SLC1A2: variants seen among roughly 807,000 people sequenced by gnomAD.
SLC1A2 encodes excitatory amino acid transporter 2.
A neutral mutation model predicts 48.8 loss-of-function variants in SLC1A2; 15 were observed. The ratio of observed to expected loss-of-function variants is 0.31; its 90% CI spans 0.21 to 0.47. The LOEUF (loss-of-function observed/expected upper bound fraction) is 0.47, where lower values mean the gene tolerates loss of function less well. Ranked by LOEUF, SLC1A2 falls within the 20% of genes least tolerant of loss-of-function variation. The pLI, the probability that SLC1A2 is intolerant of heterozygous loss-of-function variation, is 0.99. For synonymous variants in SLC1A2, 279 were observed against 272.6 expected (o/e 1.02, Z -0.23); for missense variants, 502 against 730.5 (o/e 0.69, Z 3.61).
At chr11:35,283,404 G>T (rs1850704319) in intron 8 of SLC1A2, among the ~76,000 whole-genome samples, 1 of 152,174 alleles carries the variant, frequency 6.6e-6, no homozygotes. Flanking sequence ...GTGCCCCAGA[G>T]GTAGCCCTTG....
intron 1 of SLC1A2, 89 bp from the exon 2 acceptor site, chr11:35,317,605 A>T: frequency 6.9e-7 from 1 of 1,457,502 alleles, no homozygotes; most frequent in South Asian, 1.3e-5. Flanking sequence ...CTCTCCAGGC[A>T]CAGTTGGAAT....
intron 1 of SLC1A2, among the ~76,000 whole-genome samples, chr11:35,351,552 T>G (rs1853253533): frequency 6.6e-6 from 1 of 152,228 alleles, no homozygotes; most frequent in South Asian, 2.1e-4. Context: ...TACAGTATGA[T>G]TGGGAGTATA....
chr11:35,308,267 T>C (rs186422578), intron 4 of SLC1A2, among the ~76,000 whole-genome samples: 6 of 152,312 alleles, frequency 3.9e-5, no homozygotes, highest in African/African-American at 1.4e-4. Context: ...GGATTCGAGA[T>C]GAGTTATGTT....
chr11:35,418,611 C>G lies in SLC1A2; in HGVS notation c.17+339G>C, dbSNP rs1038363261. 31 of 256,366 alleles carry G rather than the reference C, an allele frequency of 1.2e-4. No homozygotes were observed. The East Asian group carries it at 2.6e-3, about 21-fold the overall frequency. 15.9% of individuals were successfully genotyped at this position (256,366 alleles called of 1,614,324 possible). A position where few individuals can be genotyped will look rare whatever the true frequency, so the allele number is the denominator to read the frequency against. The stretch of plus-strand genomic sequence containing the variant: ...CGCCGCGCTCCAGGCGCTGCTACCC[C>G]GGTGTCTGCTCACACTATGCCCAAT... On this transcript the variant is annotated intron_variant, in intron 1 of 10. Coordinates refer to ENST00000278379, the MANE Select transcript of SLC1A2 (RefSeq NM_004171.4).
intron 3 of SLC1A2, among the ~76,000 whole-genome samples, chr11:35,313,833 C>G (rs1851784607): frequency 1.3e-5 from 2 of 152,150 alleles, no homozygotes; most frequent in South Asian, 2.1e-4. Flanking sequence ...ATTTCAGGTA[C>G]TGGGGTCACT....
chr11:35,257,533 T>C lies in SLC1A2; in HGVS notation c.*3361A>G, dbSNP rs914691052. On this transcript the variant is annotated 3_prime_UTR_variant, in exon 11 of 11. Transcript: ENST00000278379. ...TCCTATGTTGAAGATCTGTGAGATC[T>C]AGATGATTGCCCTGATTTTCTGATG... The C allele has an allele frequency of 6.6e-6, 1 of 152,202 alleles. No individual in the cohort carries two copies. The highest frequency in any genetic ancestry group is 1.5e-5 in the Non-Finnish European group (1 of 68,028). 9.4% of individuals were successfully genotyped at this position (152,202 alleles called of 1,614,324 possible).
intron 1 of SLC1A2, among the ~76,000 whole-genome samples, chr11:35,355,427 C>T (rs1853420366): frequency 2.0e-5 from 3 of 152,140 alleles, no homozygotes; most frequent in African/African-American, 7.2e-5. Context: ...CGCACCATTT[C>T]AGATGATTAG....
chr11:35,292,485 C>T lies in SLC1A2; in HGVS notation c.893G>A (p.Gly298Glu), dbSNP rs1488793620. ...TAAGTCCTTGATTGCAATGATCTTT[C>T]CACAGATCAGGCAGGCGATACCCAG... ...SPLGIACLIC[G>E]KIIAIKDLEV... The change falls in exon 7 of 11, where the codon GGA (glycine) becomes GAA (glutamate). Residue 298 changes from glycine (G) to glutamate (E), a missense_variant. Gly to Glu is a moderately conservative substitution (Grantham distance 98). Around this residue, in one of 4 missense-constraint regions of SLC1A2, gnomAD observed 309 missense variants for 480.3 expected, o/e 0.64. Transcript: ENST00000278379. The T allele has an allele frequency of 1.2e-6, 2 of 1,613,520 alleles. No homozygotes were observed. Among genetic ancestry groups the T allele is most frequent in the South Asian group, 1.1e-5 (1 of 91,070 alleles).
rs528715529 is a variant in SLC1A2 at position 35,354,024 on chromosome 11, T to G, written c.18-36508A>C. On this transcript the variant is annotated intron_variant, in intron 1 of 10. Coordinates refer to ENST00000278379, the MANE Select transcript of SLC1A2 (RefSeq NM_004171.4). ...ATCCTGGCAACTACTGAGAAAAGTTTCATGCCTAGAAGAGTCCCTAGAAAC... is the reference window on the plus strand; with the variant it reads ...ATCCTGGCAACTACTGAGAAAAGTTGCATGCCTAGAAGAGTCCCTAGAAAC... Among the ~76,000 whole-genome samples, 29 of 152,356 alleles carry G rather than the reference T, an allele frequency of 1.9e-4. No homozygotes were observed. The South Asian group carries it at 2.1e-3, about 11-fold the overall frequency.
At chr11:35,371,716 A>C (rs191337631) in intron 1 of SLC1A2, among the ~76,000 whole-genome samples, 1 of 152,050 alleles carries the variant, frequency 6.6e-6, no homozygotes, top group Non-Finnish European at 1.5e-5. Flanking sequence ...TGCTACTCAG[A>C]GTGCACCCAA....
intron 6 of SLC1A2, among the ~76,000 whole-genome samples, chr11:35,293,036 A>G (rs953984114): frequency 6.6e-6 from 1 of 152,140 alleles, no homozygotes; most frequent in Non-Finnish European, 1.5e-5. Flanking sequence ...GCCAAAATGT[A>G]CATTTAGAGA....
chr11:35,367,013 G>A (rs1853872811), intron 1 of SLC1A2, among the ~76,000 whole-genome samples: 1 of 152,200 alleles, frequency 6.6e-6, no homozygotes, highest in Non-Finnish European at 1.5e-5. Flanking sequence ...TCACTCCTGG[G>A]AGGACCTTCC....
chr11:35,302,196 T>C (rs1270956794), intron 5 of SLC1A2, among the ~76,000 whole-genome samples: 1 of 152,120 alleles, frequency 6.6e-6, no homozygotes, highest in Admixed American at 6.6e-5. Context: ...ACACATAAAA[T>C]GACAGGGAGA....
Position 35,252,541 on chromosome 11 carries a change from T to C in SLC1A2, c.*8353A>G, listed in dbSNP as rs1427358542. The C allele has an allele frequency of 6.6e-6, 1 of 152,208 alleles. No individual in the cohort carries two copies. The highest frequency in any genetic ancestry group is 1.5e-5 in the Non-Finnish European group (1 of 68,046). The allele number at this position is 152,208 out of a possible 1,614,324, so 9.4% of individuals were successfully genotyped here. A position where few individuals can be genotyped will look rare whatever the true frequency, so the allele number is the denominator to read the frequency against. ...CACCCAGCCCATCCCTGCTCTGAAT[T>C]GTGTATTTACAAAGGTGCTGGACAC... On this transcript the variant is annotated 3_prime_UTR_variant, in exon 11 of 11. Coordinates refer to ENST00000278379, the MANE Select transcript of SLC1A2 (RefSeq NM_004171.4).
At chr11:35,394,503 G>A (rs115200951) in intron 1 of SLC1A2, among the ~76,000 whole-genome samples, 3,814 of 152,248 alleles carry the variant, frequency 0.025, 140 homozygotes, top group African/African-American at 0.085. Flanking sequence ...GGTCAAAAGA[G>A]CATGAACTTT....
intron 9 of SLC1A2, among the ~76,000 whole-genome samples, chr11:35,270,135 G>A (rs1320586889): frequency 6.6e-6 from 1 of 152,018 alleles, no homozygotes; most frequent in Non-Finnish European, 1.5e-5. Flanking sequence ...ATTTTAAAAT[G>A]AATTTTTAAA....
intron 1 of SLC1A2, among the ~76,000 whole-genome samples, chr11:35,398,736 A>G (rs1462151505): frequency 6.6e-6 from 1 of 152,206 alleles, no homozygotes; most frequent in Non-Finnish European, 1.5e-5. Flanking sequence ...TTGAAGCACT[A>G]CTAGGAAATG....
chr11:35,361,474 C>T (rs958492503), intron 1 of SLC1A2, among the ~76,000 whole-genome samples: 1 of 152,176 alleles, frequency 6.6e-6, no homozygotes, highest in African/African-American at 2.4e-5. Flanking sequence ...CACACAGGCC[C>T]TCTGTGTCCA....
intron 4 of SLC1A2, 52 bp from the exon 5 acceptor site, chr11:35,306,294 GA>G (rs370271591): frequency 0.071 from 72,409 of 1,014,048 alleles, 430 homozygotes; most frequent in Non-Finnish European, 0.075. Flanking sequence ...CCTATAAGGT[GA>G]AAAAAAAAAA....
Sources: gnomAD v4.1 joint callset for allele counts (sites outside exome capture counted in the v4.1 genomes callset) on GRCh38, gnomAD v4.1.1 for gene constraint, gnomAD v4.1.1 regional missense constraint, MANE v1.5 for transcripts, NCBI Gene and HGNC (gene_info 2026-07-23, HGNC 2026-07-21) for gene names.